CNTNAP2: variants seen among roughly 807,000 people sequenced by gnomAD.
The protein encoded by CNTNAP2 is contactin-associated protein-like 2.
Under a neutral mutation model 155.2 loss-of-function variants are expected in CNTNAP2, and 98 were observed. That is an observed-to-expected ratio of 0.63 (90% CI 0.54 to 0.75). The LOEUF (loss-of-function observed/expected upper bound fraction) is 0.75. Ranked by LOEUF, CNTNAP2 falls within the 30% of genes least tolerant of loss-of-function variation. The pLI is 0.00. For synonymous variants in CNTNAP2, 651 were observed against 631.2 expected, an observed-to-expected ratio of 1.03 and a Z score of -0.47; for missense variants, 1,727 against 1,688.1, an observed-to-expected ratio of 1.02 and a Z score of -0.40.
chr7:147,240,674 G>A (rs1033991035), intron 8 of CNTNAP2, among the ~76,000 whole-genome samples: 2 of 152,072 alleles, frequency 1.3e-5, no homozygotes, highest in Admixed American at 1.3e-4. Flanking sequence ...CTGCAGTTAC[G>A]GAGCCCACAG....
At chr7:146,542,888 AT>A (rs1797972523) in intron 1 of CNTNAP2, among the ~76,000 whole-genome samples, 1 of 151,964 alleles carries the variant, frequency 6.6e-6, no homozygotes, top group Non-Finnish European at 1.5e-5. Flanking sequence ...AGAGAGTAGA[AT>A]GGTGATTACC....
At chr7:147,178,086 A>C (rs977652501) in intron 8 of CNTNAP2, among the ~76,000 whole-genome samples, 2 of 152,066 alleles carry the variant, frequency 1.3e-5, no homozygotes, top group African/African-American at 2.4e-5. Flanking sequence ...TCCTAACTCC[A>C]AGAACCTGTG....
chr7:147,503,412 A>G (rs1333761387), intron 11 of CNTNAP2, among the ~76,000 whole-genome samples: 2 of 152,100 alleles, frequency 1.3e-5, no homozygotes, highest in Non-Finnish European at 2.9e-5. Flanking sequence ...GTATTCCCAA[A>G]TACGATCCCA....
In CNTNAP2 at chr7:147,652,528, G is replaced by A. The variant is rs71530791; in HGVS notation, c.2098+13222G>A. On this transcript the variant is annotated intron_variant, in intron 13 of 23. Transcript: ENST00000361727. ...CATTTTATATATATTGGCTCATTCC[G>A]CCCCAAATCTCTGTGAGTTGTATAT... Among the ~76,000 whole-genome samples the A allele has an allele frequency of 4.0e-3, 606 of 152,136 alleles. 2 individuals carry two copies. Among genetic ancestry groups the A allele is most frequent in the Non-Finnish European group, 5.6e-3 (379 of 67,980 alleles).
At chr7:146,553,017 C>A (rs1472425306) in intron 1 of CNTNAP2, among the ~76,000 whole-genome samples, 2 of 152,004 alleles carry the variant, frequency 1.3e-5, no homozygotes, top group Admixed American at 6.6e-5. Flanking sequence ...TAATTTGGTG[C>A]AAAGTATTTG....
chr7:147,328,814 C>G (rs1177883110), intron 9 of CNTNAP2, among the ~76,000 whole-genome samples: 1 of 139,498 alleles, frequency 7.2e-6, no homozygotes, highest in Non-Finnish European at 1.5e-5. Flanking sequence ...TTACTCAGCT[C>G]TCTTGGTGCA....
chr7:146,617,108 C>A (rs931814786), intron 1 of CNTNAP2, among the ~76,000 whole-genome samples: 1 of 152,194 alleles, frequency 6.6e-6, no homozygotes, highest in Admixed American at 6.5e-5. Context: ...CAAGTTCTGC[C>A]TCCCGGGTTC....
At chr7:146,356,907 C>G (rs1397078172) in intron 1 of CNTNAP2, among the ~76,000 whole-genome samples, 1 of 152,144 alleles carries the variant, frequency 6.6e-6, no homozygotes, top group Non-Finnish European at 1.5e-5. Context: ...TGACTTTTCT[C>G]CAGGTCGCTG....
chr7:148,123,329 T>G (rs1442307575), intron 16 of CNTNAP2, among the ~76,000 whole-genome samples: 1 of 152,166 alleles, frequency 6.6e-6, no homozygotes, highest in Non-Finnish European at 1.5e-5. Flanking sequence ...AGGTCACACC[T>G]GTCATCCCAG....
chr7:147,995,135 A>G (rs1801779806), intron 15 of CNTNAP2, among the ~76,000 whole-genome samples: 1 of 152,094 alleles, frequency 6.6e-6, no homozygotes. Flanking sequence ...CTCAGCACCC[A>G]AGGTTTTATT....
At chr7:147,081,617 G>T (rs1800131779) in intron 4 of CNTNAP2, 1 of 151,396 alleles carries the variant, frequency 6.6e-6, no homozygotes, top group African/African-American at 2.5e-5. Flanking sequence ...GTGTGTGTGT[G>T]TGTGTGTGTG....
rs183584857 is a variant in CNTNAP2, at chr7:147,752,454, T to A, written c.2098+113148T>A. 1.0e-3 allele frequency among the ~76,000 whole-genome samples: 157 copies of A among 152,294 alleles called. 1 individual carries two copies. The highest frequency in any genetic ancestry group is 6.8e-3 in the Middle Eastern group (2 of 294). ...GTGTTGGGTCCTTTTCCTATTTCTT[T>A]CATGAAAATGGAACCGTCGTTCATT... is the stretch of plus-strand genomic sequence containing the variant. On this transcript the variant is annotated intron_variant, in intron 13 of 23. Transcript: ENST00000361727.
At chr7:147,370,245 C>T (rs1022055738) in intron 9 of CNTNAP2, among the ~76,000 whole-genome samples, 11 of 152,178 alleles carry the variant, frequency 7.2e-5, no homozygotes, top group South Asian at 4.1e-4. Context: ...TGGACAATGA[C>T]GTGTCCATGA....
intron 1 of CNTNAP2, among the ~76,000 whole-genome samples, chr7:146,370,622 G>A (rs1421778487): frequency 2.0e-5 from 3 of 152,124 alleles, no homozygotes; most frequent in Admixed American, 2.0e-4. Flanking sequence ...TGAAGCATTT[G>A]GTAGAACTAG....
intron 13 of CNTNAP2, among the ~76,000 whole-genome samples, chr7:147,684,396 A>G (rs1298979688): frequency 6.6e-6 from 1 of 151,890 alleles, no homozygotes. Flanking sequence ...GGAACTTTAC[A>G]CTTTCAAAAA....
intron 14 of CNTNAP2, among the ~76,000 whole-genome samples, chr7:147,923,117 G>A (rs62474782): frequency 0.2 from 29,999 of 151,712 alleles, 3,641 homozygotes; most frequent in Middle Eastern, 0.34. Flanking sequence ...GAGGGAAGGG[G>A]AGGGGAGATG....
chr7:148,168,587 A>G (rs1265288567), intron 17 of CNTNAP2, among the ~76,000 whole-genome samples: 1 of 150,598 alleles, frequency 6.6e-6, no homozygotes, highest in Non-Finnish European at 1.5e-5. Context: ...GGGGAGGGAT[A>G]GCATTAGGAG....
At chr7:146,891,809 T>C (rs1221953209) in intron 3 of CNTNAP2, among the ~76,000 whole-genome samples, 2 of 152,134 alleles carry the variant, frequency 1.3e-5, no homozygotes, top group Non-Finnish European at 2.9e-5. Context: ...TCTAAGAAAC[T>C]ACAATTTACC....
intron 1 of CNTNAP2, among the ~76,000 whole-genome samples, chr7:146,585,530 G>C (rs1315955107): frequency 1.3e-5 from 2 of 151,990 alleles, no homozygotes; most frequent in Non-Finnish European, 2.9e-5. Flanking sequence ...ACATAGTTAG[G>C]TAAGTTTATC....
Sources: gnomAD v4.1 joint callset for allele counts (sites outside exome capture counted in the v4.1 genomes callset) on GRCh38, gnomAD v4.1.1 for gene constraint, MANE v1.5 for transcripts, NCBI Gene and HGNC (gene_info 2026-07-23, HGNC 2026-07-21) for gene names.